Variants in RDX observed in about 807,000 individuals in gnomAD.
RDX encodes radixin.
Under a neutral mutation model 83.7 loss-of-function variants are expected in RDX, and 32 were observed. The observed-to-expected ratio is 0.38, with a 90% CI of 0.29 to 0.51. The LOEUF (loss-of-function observed/expected upper bound fraction) is 0.51, where lower values mean the gene tolerates loss of function less well. RDX is among the 20% of genes least tolerant of loss of function. The probability of loss-of-function intolerance (pLI) is 0.87; values close to 1 mark genes in which losing one functional copy is unlikely to be tolerated. For missense variants in RDX, 600 were observed against 689.9 expected (o/e 0.87, Z 1.46); for synonymous variants, 229 against 222.7 (o/e 1.03, Z -0.25).
chr11:110,222,569 G>C (rs967944729), intron 14 of RDX, among the ~76,000 whole-genome samples: 1 of 152,160 alleles, frequency 6.6e-6, no homozygotes, highest in Non-Finnish European at 1.5e-5. Flanking sequence ...GGCCAAGGCA[G>C]GTGGATCATA....
At chr11:110,269,527 C>T (rs1262553902) in intron 3 of RDX, among the ~76,000 whole-genome samples, 1 of 152,176 alleles carries the variant, frequency 6.6e-6, no homozygotes, top group Non-Finnish European at 1.5e-5. Context: ...TAGCTATGTG[C>T]TCTCATTTTA....
Position 110,255,401 on chromosome 11 carries a change from C to T in RDX, c.699-16G>A. Reference sequence around the variant, plus strand: ...AGGTGTTAACCTTAAAAAATGAAAGCATCTCCTTAATTAAAGGCAGGAAAC... The same window carrying T: ...AGGTGTTAACCTTAAAAAATGAAAGTATCTCCTTAATTAAAGGCAGGAAAC... On this transcript the variant is annotated splice_polypyrimidine_tract_variant and intron_variant, in intron 7 of 13. Transcript: ENST00000645495. The T allele has an allele frequency of 7.8e-7, 1 of 1,275,546 alleles. No individual in the cohort carries two copies. The highest frequency in any genetic ancestry group is 1.1e-6 in the Non-Finnish European group (1 of 872,036). 79.0% of individuals were successfully genotyped at this position (1,275,546 alleles called of 1,614,324 possible).
At position 110,189,243 on chromosome 11, in the gene RDX, T is replaced by TAAAA. The variant is rs35450797; in HGVS notation, c.*31+10334_*31+10337dup. Among the ~76,000 whole-genome samples, 155 of 35,504 alleles carry TAAAA rather than the reference T, an allele frequency of 4.4e-3. 1 individual carries two copies. Among genetic ancestry groups the TAAAA allele is most frequent in the East Asian group, 0.013 (18 of 1,396 alleles). The allele number at this position is 35,504 out of a possible 152,430, so 23.3% of individuals were successfully genotyped here. On this transcript the variant is annotated intron_variant, in intron 15 of 15. Transcript: ENST00000528498. ...AAACAAACTTTAAATGAACAACAGG[T>TAAAA]AAAAAAAAAAAAAAAAAAAAAAAAA...
At chr11:110,204,405 T>C (rs1329313804) in intron 14 of RDX, among the ~76,000 whole-genome samples, 1 of 151,928 alleles carries the variant, frequency 6.6e-6, no homozygotes, top group Non-Finnish European at 1.5e-5. Context: ...TTTAAACAAC[T>C]TTACTGAATG....
chr11:110,271,981 T>C (rs1860327559), intron 3 of RDX, among the ~76,000 whole-genome samples: 1 of 152,224 alleles, frequency 6.6e-6, no homozygotes, highest in Admixed American at 6.5e-5. Context: ...ATGCATAAAA[T>C]TATTTAAAGG....
intron 15 of RDX, among the ~76,000 whole-genome samples, chr11:110,191,326 A>G (rs1268269620): frequency 6.6e-6 from 1 of 152,252 alleles, no homozygotes. Context: ...AACAAAAATG[A>G]TATGATTATC....
intron 1 of RDX, among the ~76,000 whole-genome samples, chr11:110,294,631 C>T (rs926002887): frequency 2.0e-5 from 3 of 151,712 alleles, no homozygotes; most frequent in Non-Finnish European, 4.4e-5. Context: ...TGAGACTCAG[C>T]AAGGGAGGGA....
At position 110,237,672 on chromosome 11, in the gene RDX, C is replaced by A. The variant is rs756116209; in HGVS notation, c.1091-20G>T. ...CTAGTTCTATGAAATATGTGTATTC[C>A]CCCCAACAGTGATTAATTCCAATCA... On this transcript the variant is annotated intron_variant, in intron 10 of 13. Transcript: ENST00000645495. 6.8e-6 allele frequency: 11 copies of A among 1,611,538 alleles called. No individual in the cohort carries two copies. Among genetic ancestry groups the A allele is most frequent in the Non-Finnish European group, 9.3e-6 (11 of 1,177,874 alleles).
intron 10 of RDX, among the ~76,000 whole-genome samples, chr11:110,238,571 T>C (rs1864954021): frequency 6.6e-6 from 1 of 152,220 alleles, no homozygotes; most frequent in South Asian, 2.1e-4. Context: ...AGCTTTTACT[T>C]ACTGTTCTTA....
At chr11:110,216,427 C>T (rs1325627249) in intron 14 of RDX, among the ~76,000 whole-genome samples, 5 of 151,426 alleles carry the variant, frequency 3.3e-5, no homozygotes, top group African/African-American at 1.2e-4. Context: ...GGCTGGAGTG[C>T]AGTGGCGCAA....
At position 110,209,130 on chromosome 11, in the gene RDX, C is replaced by T. The variant is rs183946740; in HGVS notation, c.1749-9452G>A. 6.6e-5 allele frequency among the ~76,000 whole-genome samples: 10 copies of T among 152,270 alleles called. No homozygotes were observed. The East Asian group carries it at 1.4e-3, about 21-fold the overall frequency. ...GAGTGGGCACAGGTCAGTGGATGCG[C>T]GCACCGTGCGCGAGCTGAAGCAGGG... On this transcript the variant is annotated intron_variant, in intron 14 of 15. Coordinates refer to the RDX transcript ENST00000528498.
chr11:110,266,912 G>C (rs1860073930), intron 3 of RDX, among the ~76,000 whole-genome samples: 1 of 121,074 alleles, frequency 8.3e-6, no homozygotes, highest in Admixed American at 8.1e-5. Context: ...TTGTTTGTTT[G>C]TTTTGAGACG....
chr11:110,182,324 G>C (rs913948335), intron 15 of RDX, among the ~76,000 whole-genome samples: 2 of 152,168 alleles, frequency 1.3e-5, no homozygotes, highest in African/African-American at 4.8e-5. Context: ...GAATGTGGCC[G>C]GGCATGGTGG....
intron 3 of RDX, among the ~76,000 whole-genome samples, chr11:110,270,132 G>A (rs1199495365): frequency 6.6e-6 from 1 of 152,114 alleles, no homozygotes; most frequent in Non-Finnish European, 1.5e-5. Context: ...GCGTGTGTGT[G>A]TGTGTAGTCA....
intron 9 of RDX, among the ~76,000 whole-genome samples, chr11:110,250,751 A>G (rs1859299832): frequency 6.6e-6 from 1 of 152,160 alleles, no homozygotes; most frequent in South Asian, 2.1e-4. Context: ...AGATATTTAA[A>G]CTGATTATAA....
Position 110,197,252 on chromosome 11 carries a change from C to T in RDX, c.*31+2329G>A, listed in dbSNP as rs201133977. 6.6e-5 allele frequency among the ~76,000 whole-genome samples: 10 copies of T among 152,312 alleles called. No homozygotes were observed. The East Asian group carries it at 1.9e-3, about 29-fold the overall frequency. On this transcript the variant is annotated intron_variant, in intron 15 of 15. Coordinates refer to the RDX transcript ENST00000528498. ...ATTCCTTAATGTCACCATAATCCTA[C>T]AGGCCCCTAGTCACGAGGAAGATAG...
At chr11:110,246,082 G>A (rs938135287) in intron 10 of RDX, among the ~76,000 whole-genome samples, 1 of 152,126 alleles carries the variant, frequency 6.6e-6, no homozygotes, top group Non-Finnish European at 1.5e-5. Context: ...TTTTCGGAGA[G>A]ATAAGATCTC....
intron 14 of RDX, among the ~76,000 whole-genome samples, chr11:110,205,821 T>C (rs1161489332): frequency 6.6e-6 from 1 of 152,226 alleles, no homozygotes; most frequent in Non-Finnish European, 1.5e-5. Flanking sequence ...AAGTTGAAGA[T>C]GTGCATATTC....
chr11:110,228,246 G>A (rs1864496001), downstream of RDX, among the ~76,000 whole-genome samples: 1 of 151,952 alleles, frequency 6.6e-6, no homozygotes, highest in Non-Finnish European at 1.5e-5. Context: ...GACTGTGGGG[G>A]GTCAGGCTGC....
Sources: allele counts gnomAD v4.1 joint callset (sites outside exome capture counted in the v4.1 genomes callset), GRCh38; gene constraint gnomAD v4.1.1; transcripts MANE v1.5; gene names NCBI Gene and HGNC (gene_info 2026-07-23, HGNC 2026-07-21).